Variants in CPM observed in about 807,000 individuals in gnomAD.
The protein encoded by CPM is carboxypeptidase M, also known as renal carboxypeptidase.
A neutral mutation model predicts 46.4 loss-of-function variants in CPM; 35 were observed. The observed-to-expected ratio is 0.75, with a 90% CI of 0.58 to 1.00. CPM has a LOEUF of 1.00. Ranked by LOEUF, CPM falls within the 50% of genes least tolerant of loss-of-function variation. The pLI is 0.00. For synonymous variants in CPM, 195 were observed against 195.3 expected (o/e 1.00, Z 0.01); for missense variants, 422 against 530.4 (o/e 0.80, Z 2.01).
chr12:68,897,736 CAAAAAA>C (rs62826660), intron 2 of CPM, among the ~76,000 whole-genome samples: 1 of 106,046 alleles, frequency 9.4e-6, no homozygotes, highest in Non-Finnish European at 2.0e-5. Context: ...GACTCCGTTT[CAAAAAA>C]AAAAAAAAAA....
At chr12:68,885,649 G>T in intron 3 of CPM, 143 bp downstream of exon 3, 1 of 656,492 alleles carries the variant, frequency 1.5e-6, no homozygotes, top group East Asian at 2.7e-5. Context: ...GGCCTCACAG[G>T]AAGACCTCTC....
chr12:68,889,553 G>A (rs1405167859), intron 2 of CPM, among the ~76,000 whole-genome samples: 1 of 152,186 alleles, frequency 6.6e-6, no homozygotes, highest in African/African-American at 2.4e-5. Flanking sequence ...ATGAGGCCAG[G>A]TGTGGTGGCT....
At chr12:68,894,572 AT>A (rs1424026437) in intron 2 of CPM, among the ~76,000 whole-genome samples, 1 of 152,142 alleles carries the variant, frequency 6.6e-6, no homozygotes, top group Non-Finnish European at 1.5e-5. Flanking sequence ...AAATGGCTTC[AT>A]TGGATTTTCT....
At chr12:68,916,634 T>C (rs983530342) in intron 2 of CPM, among the ~76,000 whole-genome samples, 30 of 152,254 alleles carry the variant, frequency 2.0e-4, no homozygotes, top group African/African-American at 6.7e-4. Context: ...TGCATGCCTG[T>C]AATCCCAGCA....
intron 2 of CPM, among the ~76,000 whole-genome samples, chr12:68,921,759 A>G (rs1470254846): frequency 1.3e-5 from 2 of 152,200 alleles, no homozygotes; most frequent in African/African-American, 4.8e-5. Flanking sequence ...AAAGTTCATA[A>G]GAAAACAATG....
At chr12:68,865,874 G>A (rs552517594) in intron 7 of CPM, among the ~76,000 whole-genome samples, 1 of 152,260 alleles carries the variant, frequency 6.6e-6, no homozygotes, top group East Asian at 1.9e-4. Context: ...AAGTATAGCC[G>A]CTGGACCAGC....
At chr12:68,881,194 C>G (rs934428579) in intron 3 of CPM, among the ~76,000 whole-genome samples, 10 of 152,148 alleles carry the variant, frequency 6.6e-5, no homozygotes, top group Non-Finnish European at 1.3e-4. Context: ...TGTGTATTAG[C>G]CACATTAAAT....
At chr12:68,909,859 A>G (rs1232748853) in intron 2 of CPM, among the ~76,000 whole-genome samples, 5 of 151,378 alleles carry the variant, frequency 3.3e-5, no homozygotes, top group Non-Finnish European at 5.9e-5. Context: ...TACGGGAGGG[A>G]TAACATTAGG....
downstream of CPM, chr12:68,847,663 C>T (rs1884424993): frequency 6.6e-6 from 1 of 151,666 alleles, no homozygotes; most frequent in Admixed American, 6.6e-5. Flanking sequence ...CCGTGTTAGC[C>T]AAGATGGTCT....
intron 1 of CPM, among the ~76,000 whole-genome samples, chr12:68,945,247 A>AGGGAGGGACTGTTATAGTT: frequency 6.6e-6 from 1 of 152,176 alleles, no homozygotes; most frequent in Non-Finnish European, 1.5e-5. Context: ...AGGGACTGTT[A>AGGGAGGGACTGTTATAGTT]TCATCCTTGC....
At chr12:68,882,092 T>C (rs1249389455) in intron 3 of CPM, among the ~76,000 whole-genome samples, 3 of 151,042 alleles carry the variant, frequency 2.0e-5, no homozygotes, top group Non-Finnish European at 1.5e-5. Flanking sequence ...ATTGGTTCTA[T>C]AGGTAAATGT....
chr12:68,900,625 A>C (rs181543961), intron 2 of CPM, among the ~76,000 whole-genome samples: 2 of 152,352 alleles, frequency 1.3e-5, no homozygotes, highest in East Asian at 3.9e-4. Context: ...AAAGGAACCA[A>C]GAGGTCCTTC....
chr12:68,955,815 A>T (rs554785084), intron 1 of CPM, among the ~76,000 whole-genome samples: 46 of 152,264 alleles, frequency 3.0e-4, no homozygotes, highest in African/African-American at 1.1e-3. Context: ...TCTGGGGTTT[A>T]TACAGGCTTT....
chr12:68,904,213 T>C (rs950129617), intron 2 of CPM, among the ~76,000 whole-genome samples: 2 of 152,192 alleles, frequency 1.3e-5, no homozygotes, highest in East Asian at 1.9e-4. Context: ...TACTTTTCCA[T>C]AGGCTATGGC....
At chr12:68,927,013 G>A (rs35055402) in intron 2 of CPM, among the ~76,000 whole-genome samples, 72 of 152,110 alleles carry the variant, frequency 4.7e-4, no homozygotes, top group African/African-American at 2.2e-4. Flanking sequence ...GAATAGTGCC[G>A]CAATAAACAT....
intron 2 of CPM, among the ~76,000 whole-genome samples, chr12:68,908,232 T>C (rs1338427872): frequency 6.6e-6 from 1 of 152,218 alleles, no homozygotes; most frequent in African/African-American, 2.4e-5. Context: ...CTCTGATTCA[T>C]TCTGGCTGGT....
intron 3 of CPM, among the ~76,000 whole-genome samples, chr12:68,873,667 C>CAAAA (rs34150942): frequency 4.3e-5 from 3 of 69,082 alleles, no homozygotes; most frequent in African/African-American, 4.5e-5. Context: ...GACCCTGTCT[C>CAAAA]AAAAAAAAAA....
chr12:68,866,691 C>T lies in CPM; in HGVS notation c.940+205G>A, dbSNP rs143513121. ...TCATATTAAAGGAACATGCATCATG[C>T]TTCCTTTTCTATGAATGAGTGGGCA... is the stretch of plus-strand genomic sequence containing the variant. On this transcript the variant is annotated intron_variant, in intron 7 of 8. Transcript: ENST00000551568. The T allele has an allele frequency of 1.2e-3, 615 of 516,194 alleles. 3 individuals are homozygous for T. The highest frequency in any genetic ancestry group is 0.01 in the African/African-American group (534 of 51,486). 32.0% of individuals were successfully genotyped at this position (516,194 alleles called of 1,614,324 possible). A position where few individuals can be genotyped will look rare whatever the true frequency, so the allele number is the denominator to read the frequency against.
chr12:68,935,686 A>T (rs1888663144), upstream of CPM, among the ~76,000 whole-genome samples: 1 of 150,974 alleles, frequency 6.6e-6, no homozygotes, highest in Non-Finnish European at 1.5e-5. Flanking sequence ...TGTTATTTCC[A>T]CTGGAAGGGT....
Sources: gnomAD v4.1 joint callset for allele counts (sites outside exome capture counted in the v4.1 genomes callset) on GRCh38, gnomAD v4.1.1 for gene constraint, MANE v1.5 for transcripts, NCBI Gene and HGNC (gene_info 2026-07-23, HGNC 2026-07-21) for gene names.